Variants in ANKS6 observed in about 807,000 individuals in gnomAD.
The protein encoded by ANKS6 is ankyrin repeat and SAM domain-containing protein 6.
In ANKS6, 47 loss-of-function variants were observed where a neutral mutation model predicts 77.9. The observed-to-expected ratio is 0.60, with a 90% confidence interval of 0.48 to 0.77. The LOEUF (loss-of-function observed/expected upper bound fraction) is 0.77, where lower values mean the gene tolerates loss of function less well. ANKS6 is among the 30% of genes least tolerant of loss of function. The pLI is 0.00. For synonymous variants in ANKS6, 488 were observed against 501.7 expected (o/e 0.97, Z 0.37); for missense variants, 1,150 against 1,159.1 (o/e 0.99, Z 0.11).
rs532271980 is a variant in ANKS6, at chr9:98,792,753, A to T, written c.360-2147T>A. 3.9e-5 allele frequency among the ~76,000 whole-genome samples: 6 copies of T among 152,332 alleles called. No individual in the cohort carries two copies. In the East Asian group the frequency reaches 1.2e-3, roughly 29 times the overall value. ...CTGAAGATTACAGTGGAAAGCAATT[A>T]ATCTAAAGCCTCTCAATTTGAACGT... is the stretch of plus-strand genomic sequence containing the variant. On this transcript the variant is annotated intron_variant, in intron 1 of 14. Coordinates refer to ENST00000353234, the MANE Select transcript of ANKS6 (RefSeq NM_173551.5).
At chr9:98,748,045 C>T (rs1265670868) in intron 13 of ANKS6, among the ~76,000 whole-genome samples, 1 of 152,222 alleles carries the variant, frequency 6.6e-6, no homozygotes, top group African/African-American at 2.4e-5. Context: ...CAGCCCAGGT[C>T]TTCTCTGGCC....
Position 98,756,449 on chromosome 9 carries a change from C to G in ANKS6, c.2297G>C (p.Gly766Ala). Residue 766 changes from glycine to alanine, a missense_variant, in exon 12 of 15, where the codon GGC (glycine) becomes GCC (alanine). By Grantham distance (60) the Gly-to-Ala change is moderately conservative. Transcript: ENST00000353234. ...ATCTGTGATGGTGCCACTGCTGGAG[C>G]CCCCACTGCTCTTGGACTGCCGATG... is the stretch of plus-strand genomic sequence containing the variant. ...SSHRQSKSSG[G>A]SSSGTITDED... 6.2e-7 allele frequency: 1 copy of G among 1,613,334 alleles called. No individual in the cohort carries two copies. Among genetic ancestry groups the G allele is most frequent in the South Asian group, 1.1e-5 (1 of 91,064 alleles).
chr9:98,764,370 C>A (rs1437713436), intron 11 of ANKS6, among the ~76,000 whole-genome samples: 1 of 152,178 alleles, frequency 6.6e-6, no homozygotes, highest in African/African-American at 2.4e-5. Context: ...CTTCCTGGAT[C>A]TGTGGTTTGG....
In ANKS6 at chr9:98,771,020, T is replaced by C; in HGVS notation, c.1848A>G (p.Pro616=). Residue 616 remains proline, a synonymous_variant, in exon 10 of 15, where the codon CCA becomes CCG. Transcript: ENST00000353234. ...AAGAGGCTGGGCTTCTGGGGAGGCT[T>C]GGAAATTTAACAGGCCTGACGGGTG... ...DTTPVRPVKF[P]SLPRSPASSA... is the part of the protein sequence containing the mutation. The C allele has an allele frequency of 1.3e-6, 2 of 1,588,596 alleles. No homozygotes were observed. The highest frequency in any genetic ancestry group is 1.7e-6 in the Non-Finnish European group (2 of 1,167,604).
chr9:98,761,462 A>G (rs914778567), intron 11 of ANKS6, among the ~76,000 whole-genome samples: 16 of 152,196 alleles, frequency 1.1e-4, no homozygotes, highest in Admixed American at 2.0e-4. Flanking sequence ...TTCCAGATCT[A>G]TGATTTGAAA....
intron 4 of ANKS6, among the ~76,000 whole-genome samples, chr9:98,783,121 AAGGGG>A (rs1449590410): frequency 7.4e-6 from 1 of 135,432 alleles, no homozygotes; most frequent in Admixed American, 7.7e-5. Context: ...AAGGAAAAGG[AAGGGG>A]AGGGGAGGGG....
intron 1 of ANKS6, among the ~76,000 whole-genome samples, chr9:98,795,327 AAACGT>A (rs1393437555): frequency 1.3e-5 from 2 of 152,108 alleles, no homozygotes; most frequent in Non-Finnish European, 2.9e-5. Flanking sequence ...AATTTTTCCA[AAACGT>A]AACTCTCATC....
Position 98,768,138 on chromosome 9 carries a change from C to T in ANKS6, c.2085G>A (p.Gly695=), listed in dbSNP as rs1403547047. ...AGGCTGGAAGCTCAGACGGGCTGGA[C>T]CCCGGTGCTGGCCCCACAGGGCTTG... ...HRSSPVGPAP[G]SSPSELPASP... Residue 695 remains glycine (G), a synonymous_variant, in exon 11 of 15, where the codon GGG becomes GGA. Transcript: ENST00000353234. 3.7e-6 allele frequency: 6 copies of T among 1,613,540 alleles called. No homozygotes were observed. Among genetic ancestry groups the T allele is most frequent in the Non-Finnish European group, 5.1e-6 (6 of 1,179,902 alleles).
intron 14 of ANKS6, among the ~76,000 whole-genome samples, chr9:98,743,994 C>A (rs565505962): frequency 6.6e-6 from 1 of 152,242 alleles, no homozygotes; most frequent in East Asian, 1.9e-4. Context: ...CCTGCCTTAC[C>A]CCCCTGCCCT....
chr9:98,795,642 A>C (rs906414353), intron 1 of ANKS6, among the ~76,000 whole-genome samples: 16 of 152,278 alleles, frequency 1.1e-4, no homozygotes, highest in African/African-American at 2.6e-4. Flanking sequence ...ACGTGGATAT[A>C]AACATCTTTT....
Position 98,780,235 on chromosome 9 carries a change from T to C in ANKS6, c.1322A>G (p.Gln441Arg), listed in dbSNP as rs377750405. The part of the protein sequence containing the change: ...QPPLPHSKVR[Q>R]PWSIPVLPDD... ...GGGCAGCACTGGGATGCTCCAGGGCTGTCGGACCTTCGAGTGGGGCAGGGG... is the reference window on the plus strand; with the variant it reads ...GGGCAGCACTGGGATGCTCCAGGGCCGTCGGACCTTCGAGTGGGGCAGGGG... The change falls in exon 6 of 15, where the codon CAG becomes CGG. Residue 441 changes from glutamine (Q) to arginine (R), a missense_variant. Gln to Arg is a conservative substitution (Grantham distance 43). Transcript: ENST00000353234. 3.4e-4 allele frequency: 547 copies of C among 1,614,084 alleles called. 11 individuals are homozygous for C. In the South Asian group the frequency reaches 4.9e-3, roughly 15 times the overall value.
intron 2 of ANKS6, among the ~76,000 whole-genome samples, chr9:98,787,771 A>G (rs1834654931): frequency 6.6e-6 from 1 of 152,202 alleles, no homozygotes; most frequent in Non-Finnish European, 1.5e-5. Flanking sequence ...GCCAATTAAG[A>G]TGACCAAGAC....
At chr9:98,743,483 C>T (rs982790113) in intron 14 of ANKS6, among the ~76,000 whole-genome samples, 8 of 152,218 alleles carry the variant, frequency 5.3e-5, no homozygotes, top group African/African-American at 1.7e-4. Context: ...CCTCTGCCTG[C>T]TCCGCACTTT....
chr9:98,749,088 C>A (rs12003974), intron 13 of ANKS6, among the ~76,000 whole-genome samples: 2,663 of 152,282 alleles, frequency 0.017, 93 homozygotes, highest in African/African-American at 0.061. Context: ...AAGGAAAACA[C>A]TGGGTTGTGG....
At chr9:98,775,911 G>A (rs1833896294) in intron 8 of ANKS6, among the ~76,000 whole-genome samples, 1 of 152,204 alleles carries the variant, frequency 6.6e-6, no homozygotes, top group South Asian at 2.1e-4. Context: ...ACACCTGTTG[G>A]GGTGGCAGGG....
rs1356528007 is a variant in ANKS6 at position 98,791,687 on chromosome 9, C to A, written c.360-1081G>T. On this transcript the variant is annotated intron_variant, in intron 1 of 14. Transcript: ENST00000353234. This position sits in a 1 kb window ranked among gnomAD's most constrained non-coding sequence, Gnocchi z 4.3. Reference sequence around the variant, plus strand: ...TGTCATGTCTGCATCTGTGAGGCAGCTTTCTGGGTTTCTCGATGCTCAGCC... The same window carrying A: ...TGTCATGTCTGCATCTGTGAGGCAGATTTCTGGGTTTCTCGATGCTCAGCC... Among the ~76,000 whole-genome samples, 1 of 152,128 alleles carries A rather than the reference C, an allele frequency of 6.6e-6. No individual in the cohort carries two copies. Among genetic ancestry groups the A allele is most frequent in the Non-Finnish European group, 1.5e-5 (1 of 68,028 alleles).
chr9:98,757,037 C>T lies in ANKS6; in HGVS notation c.2143-434G>A, dbSNP rs574197487. 4.6e-5 allele frequency among the ~76,000 whole-genome samples: 7 copies of T among 152,264 alleles called. No individual in the cohort carries two copies. The South Asian group carries it at 1.0e-3, about 23-fold the overall frequency. On this transcript the variant is annotated intron_variant, in intron 11 of 14. Transcript: ENST00000353234. The stretch of plus-strand genomic sequence containing the variant: ...GCTCCTTCATCTACACCAAAGAACA[C>T]GTATTCTTCCCTTTTTCTCATTGGT...
chr9:98,733,179 T>C lies in ANKS6; in HGVS notation c.*3340A>G, dbSNP rs1564165331. The C allele has an allele frequency of 1.0e-6, 1 of 982,566 alleles. No individual in the cohort carries two copies. The highest frequency in any genetic ancestry group is 1.2e-6 in the Non-Finnish European group (1 of 827,340). The allele number at this position is 982,566 out of a possible 1,614,324, so 60.9% of individuals were successfully genotyped here. ...ACGAGTAGGGCTGGCACAGGGTAGA[T>C]GCTCAGTAAACGTTCGGTAAACAAA... On this transcript the variant is annotated 3_prime_UTR_variant, in exon 15 of 15. Transcript: ENST00000353234.
intron 1 of ANKS6, among the ~76,000 whole-genome samples, chr9:98,793,877 C>T (rs1164491775): frequency 1.3e-5 from 2 of 149,022 alleles, no homozygotes; most frequent in African/African-American, 2.5e-5. Context: ...CATGCCCCAG[C>T]GCGGTGGCTC....
Sources: gnomAD v4.1 joint callset for allele counts (sites outside exome capture counted in the v4.1 genomes callset) on GRCh38, gnomAD v4.1.1 for gene constraint, Gnocchi (gnomAD v3.1) non-coding constraint, MANE v1.5 for transcripts, NCBI Gene and HGNC (gene_info 2026-07-23, HGNC 2026-07-21) for gene names.